SPTBN1: variants seen among roughly 807,000 people sequenced by gnomAD.
SPTBN1 encodes spectrin beta, non-erythrocytic 1.
A neutral mutation model predicts 266.4 loss-of-function variants in SPTBN1; 32 were observed. The observed-to-expected ratio is 0.12, with a 90% confidence interval of 0.09 to 0.16. The LOEUF (loss-of-function observed/expected upper bound fraction) is 0.16, where lower values mean the gene tolerates loss of function less well. SPTBN1 is among the 10% of genes least tolerant of loss of function. The pLI is 1.00. For synonymous variants in SPTBN1, 1,336 were observed against 1,162.2 expected (o/e 1.15, Z -3.04); for missense variants, 2,296 against 3,067.1 (o/e 0.75, Z 5.94).
Position 54,670,902 on chromosome 2 carries a change from G to C in SPTBN1, c.*2333G>C, listed in dbSNP as rs555867730. The C allele has an allele frequency of 2.0e-5, 8 of 398,318 alleles. No individual in the cohort carries two copies. In the South Asian group the frequency reaches 9.1e-4, roughly 46 times the overall value. 24.7% of individuals were successfully genotyped at this position (398,318 alleles called of 1,614,324 possible). A position where few individuals can be genotyped will look rare whatever the true frequency, so the allele number is the denominator to read the frequency against. On this transcript the variant is annotated 3_prime_UTR_variant, in exon 36 of 36. Transcript: ENST00000356805. ...ACGTGTTCGCCATCAGAGGTTACAG[G>C]CCGCACAGCCTGATGAGCTTCAAGC...
At chr2:54,495,416 C>T (rs1235272659) in intron 1 of SPTBN1, among the ~76,000 whole-genome samples, 1 of 152,178 alleles carries the variant, frequency 6.6e-6, no homozygotes, top group Non-Finnish European at 1.5e-5. Flanking sequence ...CAAGAGGGCT[C>T]TGTCTTGCTA....
intron 3 of SPTBN1, among the ~76,000 whole-genome samples, chr2:54,611,487 TTTTGTTTG>T (rs1235038930): frequency 6.6e-6 from 1 of 152,186 alleles, no homozygotes; most frequent in East Asian, 1.9e-4. Context: ...TATATATATT[TTTTGTTTG>T]TTTGTTTTAT....
intron 3 of SPTBN1, among the ~76,000 whole-genome samples, chr2:54,604,272 C>G (rs1676690809): frequency 6.6e-6 from 1 of 152,124 alleles, no homozygotes; most frequent in Non-Finnish European, 1.5e-5. Context: ...AGAGACCTCC[C>G]AAAACACCCT....
intron 1 of SPTBN1, among the ~76,000 whole-genome samples, chr2:54,516,497 T>C (rs1289902591): frequency 6.6e-6 from 1 of 152,166 alleles, no homozygotes; most frequent in African/African-American, 2.4e-5. Flanking sequence ...CTTGATTGAG[T>C]TGTTTAACTC....
intron 2 of SPTBN1, among the ~76,000 whole-genome samples, chr2:54,595,941 T>A (rs1676053790): frequency 6.6e-6 from 1 of 152,302 alleles, no homozygotes; most frequent in African/African-American, 2.4e-5. Flanking sequence ...AAATTGCCCC[T>A]GCTGGAGAAC....
intron 2 of SPTBN1, among the ~76,000 whole-genome samples, chr2:54,567,878 A>G (rs1673771096): frequency 6.6e-6 from 1 of 152,144 alleles, no homozygotes; most frequent in South Asian, 2.1e-4. Context: ...CCAGTGTTTT[A>G]TTTGCTGGAG....
At chr2:54,655,805 C>T in intron 28 of SPTBN1, 109 bp from the exon 29 acceptor site, 1 of 769,820 alleles carries the variant, frequency 1.3e-6, no homozygotes, top group Non-Finnish European at 2.1e-6. Flanking sequence ...TATCTCCCAG[C>T]TTAATGGTGG....
chr2:54,502,689 G>A (rs1156406787), intron 1 of SPTBN1, among the ~76,000 whole-genome samples: 2 of 152,184 alleles, frequency 1.3e-5, no homozygotes, highest in Admixed American at 6.5e-5. Flanking sequence ...GGCTTTCCTG[G>A]GGGTTTTTTT....
intron 2 of SPTBN1, among the ~76,000 whole-genome samples, chr2:54,532,325 TC>T (rs1285013432): frequency 1.3e-5 from 2 of 152,220 alleles, no homozygotes; most frequent in Non-Finnish European, 2.9e-5. Flanking sequence ...TTGAGTATTG[TC>T]ATATACTCCA....
In SPTBN1 at chr2:54,629,508, G is replaced by A; in HGVS notation, c.2374G>A (p.Glu792Lys). The A allele has an allele frequency of 5.6e-6, 9 of 1,614,142 alleles. No individual in the cohort carries two copies. The highest frequency in any genetic ancestry group is 7.6e-6 in the Non-Finnish European group (9 of 1,180,040). Reference protein sequence around the residue: ...LVKKHKDVAEEIANYRPTLDT... With the variant: ...LVKKHKDVAEKIANYRPTLDT... ...CAAGAAACACAAGGACGTGGCGGAAGAGATCGCCAATTACAGGCCCACCCT... is the reference window on the plus strand; with the variant it reads ...CAAGAAACACAAGGACGTGGCGGAAAAGATCGCCAATTACAGGCCCACCCT... Residue 792 changes from glutamate (E) to lysine (K), a missense_variant, in exon 14 of 36, where the codon GAG becomes AAG. Coordinates refer to ENST00000356805, the MANE Select transcript of SPTBN1 (RefSeq NM_003128.3).
intron 2 of SPTBN1, among the ~76,000 whole-genome samples, chr2:54,549,163 C>G (rs1336283596): frequency 6.6e-6 from 1 of 152,004 alleles, no homozygotes; most frequent in Admixed American, 6.6e-5. Flanking sequence ...GTGGTGCGCG[C>G]CTGTAATCCC....
At chr2:54,460,676 C>G (rs1175011835) in intron 1 of SPTBN1, among the ~76,000 whole-genome samples, 1 of 152,112 alleles carries the variant, frequency 6.6e-6, no homozygotes, top group Non-Finnish European at 1.5e-5. Context: ...TTGGTAGGTA[C>G]AAAATAATGT....
At chr2:54,478,864 A>C (rs992669075) in intron 1 of SPTBN1, among the ~76,000 whole-genome samples, 3 of 152,110 alleles carry the variant, frequency 2.0e-5, no homozygotes, top group Non-Finnish European at 2.9e-5. Context: ...AATACCAGAG[A>C]TAAAAAAAGA....
At position 54,536,312 on chromosome 2, in the gene SPTBN1, A is replaced by G. The variant is rs77370929; in HGVS notation, c.148+9746A>G. Among the ~76,000 whole-genome samples the G allele has an allele frequency of 6.0e-3, 917 of 152,358 alleles. 9 individuals are homozygous for G. Among genetic ancestry groups the G allele is most frequent in the African/African-American group, 0.019 (791 of 41,582 alleles). On this transcript the variant is annotated intron_variant, in intron 2 of 35. Coordinates refer to ENST00000356805, the MANE Select transcript of SPTBN1 (RefSeq NM_003128.3). Reference sequence around the variant, plus strand: ...GTCCCATGATAAAAGCAAACTCAGAATGACACAAAGTATATTTTTAAATTT... The same window carrying G: ...GTCCCATGATAAAAGCAAACTCAGAGTGACACAAAGTATATTTTTAAATTT...
intron 16 of SPTBN1, 64 bp from the exon 17 acceptor site, chr2:54,632,502 G>GT: frequency 6.6e-7 from 1 of 1,511,430 alleles, no homozygotes; most frequent in Non-Finnish European, 9.2e-7. Flanking sequence ...GCACGGAAAT[G>GT]TAGAACACAG....
intron 1 of SPTBN1, among the ~76,000 whole-genome samples, chr2:54,471,651 G>A (rs952287816): frequency 1.3e-5 from 2 of 152,132 alleles, no homozygotes; most frequent in African/African-American, 4.8e-5. Context: ...CCAAGAGGTT[G>A]GGAGCAAGCT....
intron 2 of SPTBN1, among the ~76,000 whole-genome samples, chr2:54,583,913 G>A (rs1675112839): frequency 6.6e-6 from 1 of 151,816 alleles, no homozygotes; most frequent in Non-Finnish European, 1.5e-5. Flanking sequence ...CCCTTTAATG[G>A]GAACGCTCTT....
At chr2:54,469,325 T>A (rs571532800) in intron 1 of SPTBN1, among the ~76,000 whole-genome samples, 17 of 152,314 alleles carry the variant, frequency 1.1e-4, no homozygotes, top group African/African-American at 4.1e-4. Context: ...GGGTTGCTGT[T>A]AGTCTCATTT....
chr2:54,601,211 G>A (rs918686270), intron 3 of SPTBN1, among the ~76,000 whole-genome samples: 1 of 152,128 alleles, frequency 6.6e-6, no homozygotes, highest in African/African-American at 2.4e-5. Context: ...AAAGCCCCTA[G>A]TGCCTTCATT....
Sources: gnomAD v4.1 joint callset for allele counts (sites outside exome capture counted in the v4.1 genomes callset) on GRCh38, gnomAD v4.1.1 for gene constraint, MANE v1.5 for transcripts, NCBI Gene and HGNC (gene_info 2026-07-23, HGNC 2026-07-21) for gene names.